Variants in GPC5 observed in about 807,000 individuals in gnomAD.
GPC5 encodes the protein glypican-5.
A neutral mutation model predicts 53.9 loss-of-function variants in GPC5; 47 were observed. That is an observed-to-expected ratio of 0.87 (90% CI 0.69 to 1.11). The LOEUF (loss-of-function observed/expected upper bound fraction) is 1.11, where lower values mean the gene tolerates loss of function less well. Among genes scored for constraint, GPC5 ranks in the 50% most tolerant of loss-of-function variants. GPC5 has a pLI of 0.00. For missense variants in GPC5, 748 were observed against 713.1 expected, an observed-to-expected ratio of 1.05 and a Z score of -0.56; for synonymous variants, 286 against 263.3, an observed-to-expected ratio of 1.09 and a Z score of -0.84.
intron 7 of GPC5, among the ~76,000 whole-genome samples, chr13:92,317,188 A>G (rs2043185093): frequency 1.3e-5 from 2 of 152,110 alleles, no homozygotes; most frequent in Admixed American, 1.3e-4. Context: ...AGTCGCCCAA[A>G]GGCCAGGATT....
chr13:92,379,563 A>G (rs2043721884), intron 7 of GPC5, among the ~76,000 whole-genome samples: 1 of 150,852 alleles, frequency 6.6e-6, no homozygotes, highest in African/African-American at 2.5e-5. Context: ...TGCCCCTTGC[A>G]TATTAGTTCC....
chr13:91,607,565 G>GA (rs1270173371), intron 2 of GPC5, among the ~76,000 whole-genome samples: 1 of 151,942 alleles, frequency 6.6e-6, no homozygotes, highest in Non-Finnish European at 1.5e-5. Flanking sequence ...GGAATAAATG[G>GA]AAAAAAAGCA....
At chr13:91,718,713 C>T (rs920365254) in intron 3 of GPC5, among the ~76,000 whole-genome samples, 4 of 152,090 alleles carry the variant, frequency 2.6e-5, no homozygotes, top group African/African-American at 4.8e-5. Flanking sequence ...CATACTCTTG[C>T]CCTCAGGGTA....
chr13:92,243,912 G>C (rs893492903), intron 7 of GPC5, among the ~76,000 whole-genome samples: 1 of 152,100 alleles, frequency 6.6e-6, no homozygotes, highest in African/African-American at 2.4e-5. Context: ...GGGAGGATTC[G>C]AGCAAAGGAA....
chr13:92,361,941 AC>A (rs1446759540), intron 7 of GPC5, among the ~76,000 whole-genome samples: 1 of 151,590 alleles, frequency 6.6e-6, no homozygotes, highest in Admixed American at 6.6e-5. Context: ...AATGTAAGAC[AC>A]CCAGGTTTAA....
intron 5 of GPC5, among the ~76,000 whole-genome samples, chr13:91,824,671 C>T (rs1386351689): frequency 6.6e-6 from 1 of 151,928 alleles, no homozygotes; most frequent in Non-Finnish European, 1.5e-5. Context: ...TGGTTCATGG[C>T]ATACCTCCAA....
At chr13:91,475,342 T>C (rs1186471648) in intron 2 of GPC5, among the ~76,000 whole-genome samples, 1 of 152,196 alleles carries the variant, frequency 6.6e-6, no homozygotes, top group African/African-American at 2.4e-5. Flanking sequence ...GCTGTTATTG[T>C]GCATTCCTCT....
chr13:91,996,823 TTTCA>T (rs1166209102), intron 6 of GPC5, among the ~76,000 whole-genome samples: 22 of 152,224 alleles, frequency 1.4e-4, no homozygotes, highest in Non-Finnish European at 2.8e-4. Context: ...GAACATTATG[TTTCA>T]TTGAGTATTA....
chr13:92,262,694 T>C (rs2042775260), intron 7 of GPC5, among the ~76,000 whole-genome samples: 1 of 152,206 alleles, frequency 6.6e-6, no homozygotes, highest in Non-Finnish European at 1.5e-5. Flanking sequence ...GGGATTTCCG[T>C]ATCCTATTAC....
At chr13:91,960,709 G>C (rs1177143562) in intron 6 of GPC5, among the ~76,000 whole-genome samples, 1 of 151,768 alleles carries the variant, frequency 6.6e-6, no homozygotes, top group Non-Finnish European at 1.5e-5. Flanking sequence ...AAAGAGACGT[G>C]GATAAATGGA....
intron 4 of GPC5, among the ~76,000 whole-genome samples, chr13:91,747,883 C>T (rs139244596): frequency 5.3e-5 from 8 of 152,278 alleles, no homozygotes; most frequent in African/African-American, 1.7e-4. Flanking sequence ...TTAGTGACTT[C>T]TCATGAGTCT....
chr13:91,607,868 G>A (rs1477514845), intron 2 of GPC5, among the ~76,000 whole-genome samples: 4 of 152,208 alleles, frequency 2.6e-5, no homozygotes, highest in African/African-American at 9.7e-5. Flanking sequence ...GTAGTGAGGT[G>A]CAAGAAAGCA....
In GPC5 at chr13:91,494,033, C is replaced by A. The variant is rs559513488; in HGVS notation, c.325+45111C>A. ...AGACTACAGGCACCCACCACCACACCCGGCTAATTTTTTTTTTATTTTTTA... is the reference window on the plus strand; with the variant it reads ...AGACTACAGGCACCCACCACCACACACGGCTAATTTTTTTTTTATTTTTTA... On this transcript the variant is annotated intron_variant, in intron 2 of 7. Transcript: ENST00000377067. 6.0e-5 allele frequency among the ~76,000 whole-genome samples: 9 copies of A among 150,998 alleles called. No homozygotes were observed. The East Asian group carries it at 1.5e-3, about 26-fold the overall frequency.
At chr13:92,185,128 C>T (rs558206182) in intron 7 of GPC5, among the ~76,000 whole-genome samples, 1 of 152,120 alleles carries the variant, frequency 6.6e-6, no homozygotes, top group East Asian at 1.9e-4. Flanking sequence ...AAGAATCAGT[C>T]TTCAGCTTGC....
chr13:92,186,336 T>C (rs549974080), intron 7 of GPC5, among the ~76,000 whole-genome samples: 1 of 152,090 alleles, frequency 6.6e-6, no homozygotes, highest in African/African-American at 2.4e-5. Flanking sequence ...TGAAAATGTA[T>C]CATAATTATC....
chr13:92,357,424 T>C (rs1269676249), intron 7 of GPC5, among the ~76,000 whole-genome samples: 1 of 151,768 alleles, frequency 6.6e-6, no homozygotes, highest in Non-Finnish European at 1.5e-5. Context: ...TTGTGTGAGA[T>C]GGCATTTCAT....
At chr13:92,681,833 G>T (rs534014993) in intron 7 of GPC5, among the ~76,000 whole-genome samples, 1 of 152,262 alleles carries the variant, frequency 6.6e-6, no homozygotes, top group East Asian at 1.9e-4. Context: ...TAGAAAATTT[G>T]ACTATTCCTT....
intron 7 of GPC5, among the ~76,000 whole-genome samples, chr13:92,434,531 A>G (rs993252164): frequency 1.3e-5 from 2 of 152,178 alleles, no homozygotes; most frequent in Admixed American, 1.3e-4. Flanking sequence ...TGTATTCAAG[A>G]TGACCTTTTC....
chr13:91,441,242 C>T (rs1456016035), intron 1 of GPC5, among the ~76,000 whole-genome samples: 1 of 152,130 alleles, frequency 6.6e-6, no homozygotes, highest in East Asian at 1.9e-4. Flanking sequence ...AAGTCAGACC[C>T]TTTTTGTTTT....
Sources: gnomAD v4.1 joint callset for allele counts (sites outside exome capture counted in the v4.1 genomes callset) on GRCh38, gnomAD v4.1.1 for gene constraint, MANE v1.5 for transcripts, NCBI Gene and HGNC (gene_info 2026-07-23, HGNC 2026-07-21) for gene names.